The following MAN1C1 variants were observed in gnomAD, a reference collection of about 807,000 sequenced individuals.
MAN1C1 encodes the protein mannosidase alpha class 1C member 1.
Under a neutral mutation model 71.5 loss-of-function variants are expected in MAN1C1, and 49 were observed. The observed-to-expected ratio is 0.69, with a 90% CI of 0.54 to 0.87. The LOEUF is 0.87. Ranked by LOEUF, MAN1C1 falls within the 40% of genes least tolerant of loss-of-function variation. The pLI is 0.00. For missense variants in MAN1C1, 743 were observed against 835.0 expected, an observed-to-expected ratio of 0.89 and a Z score of 1.36; for synonymous variants, 352 against 343.7, an observed-to-expected ratio of 1.02 and a Z score of -0.27.
chr1:25,694,258 C>G (rs78720728), intron 2 of MAN1C1, among the ~76,000 whole-genome samples: 1 of 152,152 alleles, frequency 6.6e-6, no homozygotes, highest in Non-Finnish European at 1.5e-5. Flanking sequence ...TAAAAAGTAG[C>G]AGTTCTGCTT....
rs540890492 is a variant in MAN1C1, at chr1:25,782,476, G to T, written c.1651-109G>T. 7.5e-4 allele frequency: 507 copies of T among 678,528 alleles called. 5 individuals are homozygous for T. In the African/African-American group the frequency reaches 8.0e-3, roughly 11 times the overall value. 42.0% of individuals were successfully genotyped at this position (678,528 alleles called of 1,614,324 possible). A position where few individuals can be genotyped will look rare whatever the true frequency, so the allele number is the denominator to read the frequency against. On this transcript the variant is annotated intron_variant, in intron 10 of 11. Transcript: ENST00000374332. This position sits in a 1 kb window ranked among gnomAD's most constrained non-coding sequence, Gnocchi z 4.4. ...AGGAGTCCCCAGCCAAGGGGTGGGG[G>T]TGCTGTCTGCTTTCTTCTAGCTCCA...
Position 25,778,422 on chromosome 1 carries a change from C to A in MAN1C1, c.1477+98C>A. ...GCAGTGAGCGAAGGGAGCACATGGCCTTAGGGAAGCCTCCCCTTGGAAGTT... is the reference window on the plus strand; with the variant it reads ...GCAGTGAGCGAAGGGAGCACATGGCATTAGGGAAGCCTCCCCTTGGAAGTT... On this transcript the variant is annotated intron_variant, in intron 9 of 11. Coordinates refer to ENST00000374332, the MANE Select transcript of MAN1C1 (RefSeq NM_020379.4). This position sits in a 1 kb window ranked among gnomAD's most constrained non-coding sequence, Gnocchi z 5.5. The A allele has an allele frequency of 1.6e-6, 2 of 1,212,744 alleles. No homozygotes were observed. The highest frequency in any genetic ancestry group is 1.6e-5 in the South Asian group (1 of 64,362). The allele number at this position is 1,212,744 out of a possible 1,614,324, so 75.1% of individuals were successfully genotyped here.
chr1:25,730,787 T>G lies in MAN1C1; in HGVS notation c.638-15881T>G, dbSNP rs2124299729. 6.6e-6 allele frequency among the ~76,000 whole-genome samples: 1 copy of G among 152,292 alleles called. No individual in the cohort carries two copies. The highest frequency in any genetic ancestry group is 1.9e-4 in the East Asian group (1 of 5,184). ...GGGTTCTCCCTGTGTGGGCACTTCC[T>G]CCTCCTTTTCACTCTCCTGCCAGAC... On this transcript the variant is annotated intron_variant, in intron 2 of 11. Transcript: ENST00000374332. This position sits in a 1 kb window ranked among gnomAD's most constrained non-coding sequence, Gnocchi z 4.3.
At chr1:25,721,412 T>C (rs1293728519) in intron 2 of MAN1C1, among the ~76,000 whole-genome samples, 2 of 152,246 alleles carry the variant, frequency 1.3e-5, no homozygotes, top group Non-Finnish European at 2.9e-5. Flanking sequence ...TTCCGGTTCA[T>C]GAATATGAAA....
intron 1 of MAN1C1, among the ~76,000 whole-genome samples, chr1:25,651,832 C>T (rs929816105): frequency 2.0e-5 from 3 of 152,224 alleles, no homozygotes; most frequent in African/African-American, 7.2e-5. Flanking sequence ...GGTGTTTCCT[C>T]AGACTGATAG....
At chr1:25,697,329 G>T (rs1338885212) in intron 2 of MAN1C1, among the ~76,000 whole-genome samples, 1 of 152,122 alleles carries the variant, frequency 6.6e-6, no homozygotes, top group East Asian at 1.9e-4. Flanking sequence ...CTAAGCATAA[G>T]GTTTCAAGGT....
At chr1:25,646,428 A>G (rs1205129409) in intron 1 of MAN1C1, 1 of 152,286 alleles carries the variant, frequency 6.6e-6, no homozygotes, top group African/African-American at 2.4e-5. Flanking sequence ...TGGCTTTTAA[A>G]AAATTGTGGT....
intron 1 of MAN1C1, among the ~76,000 whole-genome samples, chr1:25,655,622 A>C (rs1251459949): frequency 6.6e-6 from 1 of 151,158 alleles, no homozygotes; most frequent in Non-Finnish European, 1.5e-5. Context: ...TAGAAGGCAG[A>C]CTCTTCCTCC....
rs1002953996 is a variant in MAN1C1 at position 25,770,785 on chromosome 1, C to T, written c.1142-872C>T. On this transcript the variant is annotated intron_variant, in intron 7 of 11. Transcript: ENST00000374332. ...AGGAGTTGAAAACACTCTGCCCATT[C>T]CCCCCGCCCCGCCTTCAGTCCACCC... is the stretch of plus-strand genomic sequence containing the variant. Among the ~76,000 whole-genome samples the T allele has an allele frequency of 5.5e-5, 8 of 145,704 alleles. No homozygotes were observed. In the Admixed American group the frequency reaches 5.6e-4, roughly 10 times the overall value.
chr1:25,762,943 G>A (rs532726937), intron 6 of MAN1C1, among the ~76,000 whole-genome samples: 2 of 152,066 alleles, frequency 1.3e-5, no homozygotes, highest in Admixed American at 6.5e-5. Context: ...GCTAACAAAC[G>A]AGCTACTGTC....
At chr1:25,707,441 G>A (rs932172578) in intron 2 of MAN1C1, among the ~76,000 whole-genome samples, 9 of 152,226 alleles carry the variant, frequency 5.9e-5, no homozygotes, top group Non-Finnish European at 4.4e-5. Flanking sequence ...TGCCTCTGAA[G>A]TAACTTGATC....
chr1:25,680,873 G>A (rs1044798270), intron 1 of MAN1C1, among the ~76,000 whole-genome samples: 4 of 152,088 alleles, frequency 2.6e-5, no homozygotes, highest in Non-Finnish European at 5.9e-5. Flanking sequence ...GCACTAGGAA[G>A]ACTCATAGGA....
intron 1 of MAN1C1, among the ~76,000 whole-genome samples, chr1:25,665,298 G>C (rs750454277): frequency 3.3e-5 from 5 of 152,096 alleles, no homozygotes; most frequent in Non-Finnish European, 7.3e-5. Flanking sequence ...CTGTTGAATT[G>C]ATACCTTCCT....
At chr1:25,677,918 C>T (rs1417711102) in intron 1 of MAN1C1, among the ~76,000 whole-genome samples, 11 of 148,666 alleles carry the variant, frequency 7.4e-5, no homozygotes, top group Admixed American at 2.7e-4. Flanking sequence ...GCTGACCACC[C>T]AGGCACTTGC....
intron 5 of MAN1C1, among the ~76,000 whole-genome samples, chr1:25,758,009 A>T (rs2047311831): frequency 6.6e-6 from 1 of 152,188 alleles, no homozygotes; most frequent in African/African-American, 2.4e-5. Flanking sequence ...GTCACACCAG[A>T]GCTCCCTGCC....
At chr1:25,698,217 A>G (rs1041457398) in intron 2 of MAN1C1, among the ~76,000 whole-genome samples, 2 of 152,140 alleles carry the variant, frequency 1.3e-5, no homozygotes, top group South Asian at 2.1e-4. Flanking sequence ...TTAAGGTTCT[A>G]TTGAAGTAGA....
chr1:25,643,189 C>T (rs1276553715), intron 1 of MAN1C1, among the ~76,000 whole-genome samples: 1 of 151,928 alleles, frequency 6.6e-6, no homozygotes, highest in African/African-American at 2.4e-5. Context: ...TCCCTCTATC[C>T]TCTTATTTTG....
rs1438709546 is a variant in MAN1C1, at chr1:25,656,575, C to T, written c.541-29865C>T. Among the ~76,000 whole-genome samples the T allele has an allele frequency of 8.5e-5, 13 of 152,240 alleles. No individual in the cohort carries two copies. The East Asian group carries it at 2.3e-3, about 27-fold the overall frequency. ...GATAAATAAGCCTGAGTGTTGAATT[C>T]CTTCCGGGGTCTCTACCTTCTGTGG... On this transcript the variant is annotated intron_variant, in intron 1 of 11. Coordinates refer to ENST00000374332, the MANE Select transcript of MAN1C1 (RefSeq NM_020379.4).
At chr1:25,733,211 C>T (rs539692995) in intron 2 of MAN1C1, among the ~76,000 whole-genome samples, 14 of 152,184 alleles carry the variant, frequency 9.2e-5, no homozygotes, top group East Asian at 1.9e-4. Flanking sequence ...CCCCCGTCCT[C>T]CTCATCCGTA....
Sources: gnomAD v4.1 joint callset for allele counts (sites outside exome capture counted in the v4.1 genomes callset) on GRCh38, gnomAD v4.1.1 for gene constraint, Gnocchi (gnomAD v3.1) non-coding constraint, MANE v1.5 for transcripts, NCBI Gene and HGNC (gene_info 2026-07-23, HGNC 2026-07-21) for gene names.